Variants in SLC49A4 observed in about 807,000 individuals in gnomAD.
SLC49A4 encodes disrupted in renal cancer protein 2.
A neutral mutation model predicts 50.6 loss-of-function variants in SLC49A4; 36 were observed. The observed-to-expected ratio is 0.71, with a 90% confidence interval of 0.55 to 0.94. SLC49A4 has a LOEUF of 0.94. Ranked by LOEUF, SLC49A4 falls within the 40% of genes least tolerant of loss-of-function variation. The pLI, the probability that SLC49A4 is intolerant of heterozygous loss-of-function variation, is 0.00. For synonymous variants in SLC49A4, 248 were observed against 241.2 expected (o/e 1.03, Z -0.26); for missense variants, 503 against 605.7 (o/e 0.83, Z 1.78).
At chr3:122,833,279 G>GT in intron 3 of SLC49A4, 38 bp from the exon 4 acceptor site, 1 of 1,594,198 alleles carries the variant, frequency 6.3e-7, no homozygotes, top group East Asian at 2.2e-5. Context: ...AACTTTTTGT[G>GT]TTTCCTGGTT....
chr3:122,833,226 G>T (rs1189039430), intron 3 of SLC49A4, 91 bp from the exon 4 acceptor site: 100 of 1,306,628 alleles, frequency 7.7e-5, no homozygotes, highest in Non-Finnish European at 1.0e-4. Flanking sequence ...GGGTGACGGA[G>T]TGAGACCCTG....
chr3:122,798,504 G>A (rs946601229), intron 1 of SLC49A4, among the ~76,000 whole-genome samples: 2 of 151,994 alleles, frequency 1.3e-5, no homozygotes, highest in African/African-American at 4.8e-5. Flanking sequence ...TTATTAGGAA[G>A]TAGTTTTCAT....
intron 4 of SLC49A4, among the ~76,000 whole-genome samples, chr3:122,842,334 A>T (rs1936782211): frequency 6.6e-6 from 1 of 151,886 alleles, no homozygotes; most frequent in African/African-American, 2.4e-5. Context: ...AAAATACAAA[A>T]AATTAACCGG....
At chr3:122,872,063 T>C (rs1334927890) in intron 7 of SLC49A4, among the ~76,000 whole-genome samples, 2 of 152,192 alleles carry the variant, frequency 1.3e-5, no homozygotes, top group Non-Finnish European at 2.9e-5. Context: ...TTCTTAGATT[T>C]TACGCTCTCT....
At chr3:122,846,734 GT>G (rs1936858619) in intron 5 of SLC49A4, among the ~76,000 whole-genome samples, 1 of 152,202 alleles carries the variant, frequency 6.6e-6, no homozygotes, top group Non-Finnish European at 1.5e-5. Context: ...TAGCTGTGCA[GT>G]TGTATGCCAT....
chr3:122,821,314 A>G (rs905561071), intron 2 of SLC49A4, among the ~76,000 whole-genome samples: 4 of 152,198 alleles, frequency 2.6e-5, no homozygotes, highest in Non-Finnish European at 5.9e-5. Flanking sequence ...GCCAGGCTTC[A>G]GAAGTAGACA....
intron 4 of SLC49A4, among the ~76,000 whole-genome samples, chr3:122,840,257 G>T (rs1389560884): frequency 2.6e-5 from 4 of 152,070 alleles, no homozygotes; most frequent in Non-Finnish European, 5.9e-5. Flanking sequence ...GAGACTGAAG[G>T]GTAACAAACT....
chr3:122,833,410 G>T lies in SLC49A4; in HGVS notation c.797G>T (p.Arg266Leu). ...LPPSVAAASQRLSYRRSVCRL... is the reference protein window; with the variant it reads ...LPPSVAAASQLLSYRRSVCRL... ...CCCAGTGTTGCTGCAGCTAGCCAGC[G>T]GCTGAGTTATCGGAGAAGCGTTTGT... is the stretch of plus-strand genomic sequence containing the variant. The change falls in exon 4 of 9, where the codon CGG becomes CTG. Residue 266 changes from arginine (R) to leucine (L), a missense_variant. Physicochemically the swap from Arg to Leu is moderately radical, Grantham distance 102. Coordinates refer to ENST00000261038, the MANE Select transcript of SLC49A4 (RefSeq NM_032839.3). 1.2e-6 allele frequency: 2 copies of T among 1,613,438 alleles called. No individual in the cohort carries two copies. The highest frequency in any genetic ancestry group is 1.7e-6 in the Non-Finnish European group (2 of 1,179,612).
chr3:122,814,316 G>A (rs1214819032), intron 2 of SLC49A4, among the ~76,000 whole-genome samples: 2 of 152,064 alleles, frequency 1.3e-5, no homozygotes, highest in Non-Finnish European at 2.9e-5. Context: ...TGTGATTTGG[G>A]TTTTCAGGTT....
chr3:122,864,503 G>A (rs1407862148), intron 7 of SLC49A4, among the ~76,000 whole-genome samples: 3 of 152,192 alleles, frequency 2.0e-5, no homozygotes, highest in Admixed American at 2.0e-4. Flanking sequence ...TACTGAAACA[G>A]TATAATTTGA....
chr3:122,842,347 T>A, intron 4 of SLC49A4, among the ~76,000 whole-genome samples: 1 of 151,702 alleles, frequency 6.6e-6, no homozygotes, highest in African/African-American at 2.4e-5. Flanking sequence ...TTAACCGGGC[T>A]TGGTAGCGGG....
chr3:122,795,793 C>T (rs1461637938), intron 1 of SLC49A4, among the ~76,000 whole-genome samples: 1 of 152,200 alleles, frequency 6.6e-6, no homozygotes, highest in South Asian at 2.1e-4. Context: ...GATCTCTAAA[C>T]GTTCAAGTTT....
chr3:122,840,262 C>T (rs1936753314), intron 4 of SLC49A4, among the ~76,000 whole-genome samples: 1 of 152,146 alleles, frequency 6.6e-6, no homozygotes, highest in South Asian at 2.1e-4. Context: ...TGAAGGGTAA[C>T]AAACTCCATA....
chr3:122,860,252 A>G lies in SLC49A4; in HGVS notation c.1138+50A>G, dbSNP rs1223129294. On this transcript the variant is annotated intron_variant, in intron 7 of 8. Coordinates refer to ENST00000261038, the MANE Select transcript of SLC49A4 (RefSeq NM_032839.3). ...TTTAATAAATATTTTCATTCACAGA[A>G]GTGTACATAACTCTGACAGTAGGAC... 5 of 1,508,276 alleles carry G rather than the reference A, an allele frequency of 3.3e-6. No homozygotes were observed. In the South Asian group the frequency reaches 5.4e-5, roughly 16 times the overall value. 93.4% of individuals were successfully genotyped at this position (1,508,276 alleles called of 1,614,324 possible). A position where few individuals can be genotyped will look rare whatever the true frequency, so the allele number is the denominator to read the frequency against.
chr3:122,850,009 C>G (rs2082272), intron 5 of SLC49A4, among the ~76,000 whole-genome samples: 27,330 of 151,984 alleles, frequency 0.18, 3,405 homozygotes, highest in East Asian at 0.5. Flanking sequence ...GTGCAGCTCG[C>G]TGCCAGCACT....
Position 122,812,484 on chromosome 3 carries a change from T to G in SLC49A4, c.437+5534T>G, listed in dbSNP as rs1213269450. 1.3e-5 allele frequency among the ~76,000 whole-genome samples: 2 copies of G among 152,224 alleles called. 1 individual carries two copies. The highest frequency in any genetic ancestry group is 2.9e-5 in the Non-Finnish European group (2 of 68,048). ...TATATCAGTGTCTTCTAAAATATCA[T>G]TCACAGATTTCCTGCTTATTAAAAT... On this transcript the variant is annotated intron_variant, in intron 2 of 8. Coordinates refer to ENST00000261038, the MANE Select transcript of SLC49A4 (RefSeq NM_032839.3).
intron 1 of SLC49A4, among the ~76,000 whole-genome samples, chr3:122,799,319 CACTGATAAGGTGTA>C (rs1170995493): frequency 8.5e-5 from 13 of 152,172 alleles, no homozygotes; most frequent in African/African-American, 3.1e-4. Context: ...GGGAAGGTGT[CACTGATAAGGTGTA>C]TTTGAGCAGA....
Position 122,806,838 on chromosome 3 carries a change from T to C in SLC49A4, c.344-19T>C. ...TAGGAGAAAATCAAGATAATTTCAA[T>C]GTCTTTGTTTCATTTTAGGTCTCCG... On this transcript the variant is annotated intron_variant, in intron 1 of 8. Transcript: ENST00000261038. The C allele has an allele frequency of 1.4e-6, 2 of 1,465,498 alleles. No individual in the cohort carries two copies. Among genetic ancestry groups the C allele is most frequent in the Non-Finnish European group, 1.9e-6 (2 of 1,047,804 alleles). The allele number at this position is 1,465,498 out of a possible 1,614,324, so 90.8% of individuals were successfully genotyped here.
chr3:122,868,160 G>C (rs971715707), intron 7 of SLC49A4, among the ~76,000 whole-genome samples: 1 of 151,816 alleles, frequency 6.6e-6, no homozygotes, highest in Non-Finnish European at 1.5e-5. Context: ...TTTCCCTAAA[G>C]TTTAGTAATT....
Sources: allele counts gnomAD v4.1 joint callset (sites outside exome capture counted in the v4.1 genomes callset), GRCh38; gene constraint gnomAD v4.1.1; transcripts MANE v1.5; gene names NCBI Gene and HGNC (gene_info 2026-07-23, HGNC 2026-07-21).